SLC25A36: variants seen among roughly 807,000 people sequenced by gnomAD.
The protein encoded by SLC25A36 is epididymis secretory sperm binding protein.
A neutral mutation model predicts 35.3 loss-of-function variants in SLC25A36; 24 were observed. The observed-to-expected ratio is 0.68, with a 90% CI of 0.49 to 0.96. SLC25A36 has a LOEUF of 0.96. Among genes scored for constraint, SLC25A36 ranks in the 40% least tolerant of loss-of-function variants. The pLI is 0.00. For synonymous variants in SLC25A36, 141 were observed against 132.2 expected, an observed-to-expected ratio of 1.07 and a Z score of -0.46; for missense variants, 294 against 381.1, an observed-to-expected ratio of 0.77 and a Z score of 1.90.
chr3:140,949,523 T>C (rs1934262898), intron 1 of SLC25A36, among the ~76,000 whole-genome samples: 1 of 152,238 alleles, frequency 6.6e-6, no homozygotes. Flanking sequence ...GGCCTTCTCG[T>C]ATCTTTTAAG....
intron 6 of SLC25A36, among the ~76,000 whole-genome samples, chr3:140,975,505 C>A (rs1261668102): frequency 6.6e-6 from 1 of 152,016 alleles, no homozygotes; most frequent in Admixed American, 6.6e-5. Context: ...TAGACTATTT[C>A]CCTAGGCCCA....
intron 1 of SLC25A36, among the ~76,000 whole-genome samples, chr3:140,954,252 A>G (rs1453583585): frequency 6.6e-6 from 1 of 152,218 alleles, no homozygotes; most frequent in African/African-American, 2.4e-5. Context: ...GCAGAATAGT[A>G]TTCTATTATA....
chr3:140,958,015 A>G (rs1199557447), intron 2 of SLC25A36, among the ~76,000 whole-genome samples: 1 of 152,140 alleles, frequency 6.6e-6, no homozygotes, highest in Non-Finnish European at 1.5e-5. Context: ...TAGTCCTCAC[A>G]GTAACCAGTA....
At chr3:140,966,355 G>C in intron 4 of SLC25A36, 1 of 326,262 alleles carries the variant, frequency 3.1e-6, no homozygotes, top group Admixed American at 3.3e-5. Flanking sequence ...TAGAACACAA[G>C]AAATTAAATA....
At chr3:140,943,577 C>G (rs750677876) in intron 1 of SLC25A36, among the ~76,000 whole-genome samples, 24 of 152,180 alleles carry the variant, frequency 1.6e-4, no homozygotes, top group Non-Finnish European at 3.5e-4. Context: ...TGAGCTCCCT[C>G]TTGTAATTAG....
chr3:140,947,154 G>A (rs898691182), intron 1 of SLC25A36, among the ~76,000 whole-genome samples: 4 of 152,214 alleles, frequency 2.6e-5, no homozygotes, highest in Non-Finnish European at 5.9e-5. Context: ...TGTCATTTAA[G>A]ATGTCTGAAA....
chr3:140,968,961 T>C (rs1313291263), intron 4 of SLC25A36, among the ~76,000 whole-genome samples: 1 of 151,824 alleles, frequency 6.6e-6, no homozygotes, highest in Non-Finnish European at 1.5e-5. Flanking sequence ...ATAAAAATCA[T>C]TATAGTGATG....
chr3:140,957,891 C>T (rs1362234696), intron 2 of SLC25A36, among the ~76,000 whole-genome samples: 1 of 152,120 alleles, frequency 6.6e-6, no homozygotes, highest in Non-Finnish European at 1.5e-5. Context: ...TTTTAATTCT[C>T]TTTTTCAGTA....
At chr3:140,974,656 G>GT (rs1224409685) in intron 6 of SLC25A36, among the ~76,000 whole-genome samples, 1 of 152,022 alleles carries the variant, frequency 6.6e-6, no homozygotes, top group Non-Finnish European at 1.5e-5. Flanking sequence ...ACATGCTGAG[G>GT]TTTTTTGGTA....
At chr3:140,966,329 C>A (rs753970034) in intron 4 of SLC25A36, 6 of 330,744 alleles carry the variant, frequency 1.8e-5, no homozygotes, top group South Asian at 7.4e-5. Context: ...AAACATTCTT[C>A]CTGTTTTTTG....
At chr3:140,963,753 T>TTCA (rs1356760424) in intron 4 of SLC25A36, 2 of 153,376 alleles carry the variant, frequency 1.3e-5, no homozygotes, top group African/African-American at 4.8e-5. Context: ...TTCTACATAA[T>TTCA]TCACACTAGA....
At position 140,976,636 on chromosome 3, in the gene SLC25A36, G is replaced by A. The variant is rs369242618; in HGVS notation, c.*183G>A. 9.7e-4 allele frequency: 256 copies of A among 264,916 alleles called. No homozygotes were observed. The highest frequency in any genetic ancestry group is 1.2e-3 in the Non-Finnish European group (171 of 144,746). 16.4% of individuals were successfully genotyped at this position (264,916 alleles called of 1,614,324 possible). A position where few individuals can be genotyped will look rare whatever the true frequency, so the allele number is the denominator to read the frequency against. Reference sequence around the variant, plus strand: ...ACATTACTTGGCCTTTCGGTAATGTGAAAAAAAAAAAAAACCTCAGAGCCT... The same window carrying A: ...ACATTACTTGGCCTTTCGGTAATGTAAAAAAAAAAAAAAACCTCAGAGCCT... On this transcript the variant is annotated 3_prime_UTR_variant, in exon 7 of 7. Coordinates refer to ENST00000324194, the MANE Select transcript of SLC25A36 (RefSeq NM_001104647.3).
At position 140,959,443 on chromosome 3, in the gene SLC25A36, A is replaced by AC; in HGVS notation, c.207-20_207-19insC. 7.3e-7 allele frequency: 1 copy of AC among 1,374,086 alleles called. No homozygotes were observed. 85.1% of individuals were successfully genotyped at this position (1,374,086 alleles called of 1,614,324 possible). A position where few individuals can be genotyped will look rare whatever the true frequency, so the allele number is the denominator to read the frequency against. On this transcript the variant is annotated intron_variant, in intron 2 of 6. Coordinates refer to ENST00000324194, the MANE Select transcript of SLC25A36 (RefSeq NM_001104647.3). Reference sequence around the variant, plus strand: ...GACTTTGAAAGATATTTCTGATAGAATTTTTTTTCTCTCTTTCAGGGTGAT... The same window carrying AC: ...GACTTTGAAAGATATTTCTGATAGAACTTTTTTTTCTCTCTTTCAGGGTGAT...
intron 4 of SLC25A36, chr3:140,966,416 A>G (rs1934761944): frequency 7.6e-6 from 2 of 261,910 alleles, no homozygotes; most frequent in Admixed American, 4.1e-5. Flanking sequence ...ATTACTGGCC[A>G]TAGTGCAAAA....
intron 4 of SLC25A36, among the ~76,000 whole-genome samples, chr3:140,969,968 A>G (rs1934860403): frequency 6.6e-6 from 1 of 151,970 alleles, no homozygotes; most frequent in South Asian, 2.1e-4. Flanking sequence ...AAGTAGTTCT[A>G]TGAAGTCTGT....
chr3:140,963,709 A>C (rs945510692), intron 4 of SLC25A36: 2 of 153,752 alleles, frequency 1.3e-5, no homozygotes, highest in African/African-American at 4.8e-5. Flanking sequence ...TTGACAATTC[A>C]GTTACTATGT....
At chr3:140,952,086 G>A (rs143857017) in intron 1 of SLC25A36, among the ~76,000 whole-genome samples, 60 of 149,894 alleles carry the variant, frequency 4.0e-4, no homozygotes, top group Admixed American at 1.0e-3. Context: ...GCACAATCTC[G>A]GCTCACTGCA....
intron 4 of SLC25A36, chr3:140,963,629 C>T (rs1161845771): frequency 6.4e-6 from 1 of 156,778 alleles, no homozygotes; most frequent in Non-Finnish European, 1.4e-5. Flanking sequence ...AATGTGTCGG[C>T]AATTCTTGGT....
chr3:140,941,895 G>A lies in SLC25A36; in HGVS notation c.-160G>A, dbSNP rs937039306. The A allele has an allele frequency of 7.7e-6, 4 of 519,744 alleles. No homozygotes were observed. The highest frequency in any genetic ancestry group is 2.0e-5 in the African/African-American group (1 of 49,348). The allele number at this position is 519,744 out of a possible 1,614,324, so 32.2% of individuals were successfully genotyped here. Reference sequence around the variant, plus strand: ...GGTGGCGCGGCTGGAGTGCCGCGGGGAGGGCTGTGCCGGTTGCTTTCTGCA... The same window carrying A: ...GGTGGCGCGGCTGGAGTGCCGCGGGAAGGGCTGTGCCGGTTGCTTTCTGCA... On this transcript the variant is annotated 5_prime_UTR_variant, in exon 1 of 7. Coordinates refer to ENST00000324194, the MANE Select transcript of SLC25A36 (RefSeq NM_001104647.3).
Sources: gnomAD v4.1 joint callset for allele counts (sites outside exome capture counted in the v4.1 genomes callset) on GRCh38, gnomAD v4.1.1 for gene constraint, MANE v1.5 for transcripts, NCBI Gene and HGNC (gene_info 2026-07-23, HGNC 2026-07-21) for gene names.